LTF: variants seen among roughly 807,000 people sequenced by gnomAD.
LTF encodes epididymis luminal protein 110.
In LTF, 91 loss-of-function variants were observed where a neutral mutation model predicts 87.2. The ratio of observed to expected loss-of-function variants is 1.04; its 90% CI spans 0.88 to 1.24. LTF has a LOEUF of 1.24. LTF is among the 50% of genes most tolerant of loss of function. The pLI, the probability that LTF is intolerant of heterozygous loss-of-function variation, is 0.00. For missense variants in LTF, 901 were observed against 904.3 expected (o/e 1.00, Z 0.05); for synonymous variants, 378 against 356.1 (o/e 1.06, Z -0.69).
At chr3:46,475,071 A>C (rs1413082309) in intron 1 of LTF, among the ~76,000 whole-genome samples, 1 of 152,188 alleles carries the variant, frequency 6.6e-6, no homozygotes, top group Non-Finnish European at 1.5e-5. Flanking sequence ...AAATAAACCT[A>C]AAGCAAGCAA....
intron 1 of LTF, among the ~76,000 whole-genome samples, chr3:46,461,204 G>A (rs578251127): frequency 3.9e-5 from 6 of 152,346 alleles, no homozygotes; most frequent in South Asian, 4.1e-4. Flanking sequence ...ACATTGCTGA[G>A]AATGTAAAAT....
rs771294085 is a variant in LTF, at chr3:46,459,815, C to G, written c.48G>C (p.Leu16=). The G allele has an allele frequency of 1.9e-5, 29 of 1,549,348 alleles. No homozygotes were observed. In the Admixed American group the frequency reaches 6.0e-4, roughly 32 times the overall value. ...CACTCCTCCTACGGCCAGCCAGACA[C>G]AGTCCTGGGAGAGAGGGGCCAAGGA... ...LVLLFLGALG[L]CLAGRRRSVQ... The change falls in exon 2 of 17, where the codon CTG becomes CTC. Residue 16 remains leucine, a synonymous_variant. Coordinates refer to ENST00000231751, the MANE Select transcript of LTF (RefSeq NM_002343.6).
chr3:46,468,710 A>C (rs1021667743), upstream of LTF, among the ~76,000 whole-genome samples: 1 of 152,238 alleles, frequency 6.6e-6, no homozygotes, highest in Non-Finnish European at 1.5e-5. Context: ...GGCCTTCCTG[A>C]GACATCAACT....
At chr3:46,475,441 G>T (rs1703347779) in intron 1 of LTF, among the ~76,000 whole-genome samples, 2 of 151,564 alleles carry the variant, frequency 1.3e-5, no homozygotes, top group African/African-American at 4.9e-5. Flanking sequence ...AGAGAAAAAG[G>T]AGAGGGTCAT....
At position 46,455,219 on chromosome 3, in the gene LTF, G is replaced by A. The variant is rs568794099; in HGVS notation, c.647+76C>T. Reference sequence around the variant, plus strand: ...CCAAGAGCAGGCTGGGCTCTATGTGGGGCCAGAGAAAAGGCCTCCCGGCCT... The same window carrying A: ...CCAAGAGCAGGCTGGGCTCTATGTGAGGCCAGAGAAAAGGCCTCCCGGCCT... On this transcript the variant is annotated intron_variant, in intron 5 of 16. Transcript: ENST00000231751. 3.0e-4 allele frequency: 467 copies of A among 1,575,134 alleles called. 6 individuals are homozygous for A. The South Asian group carries it at 4.7e-3, about 16-fold the overall frequency.
intron 15 of LTF, among the ~76,000 whole-genome samples, chr3:46,438,671 G>A (rs1702445139): frequency 6.6e-6 from 1 of 152,186 alleles, no homozygotes; most frequent in Non-Finnish European, 1.5e-5. Context: ...CAGCACCACT[G>A]TGTGTGCACA....
intron 1 of LTF, 113 bp from the exon 2 acceptor site, chr3:46,459,932 C>A: frequency 1.5e-6 from 1 of 678,256 alleles, no homozygotes; most frequent in Admixed American, 4.2e-5. Flanking sequence ...GCCCTCCTTC[C>A]CTCTCCATTT....
rs1402218693 is a variant in LTF, at chr3:46,437,979, C to A, written c.2059G>T (p.Val687Phe). 3 of 1,614,078 alleles carry A rather than the reference C, an allele frequency of 1.9e-6. No individual in the cohort carries two copies. The highest frequency in any genetic ancestry group is 4.5e-5 in the East Asian group (2 of 44,880). The change falls in exon 16 of 17, where the codon GTC becomes TTC. Residue 687 changes from valine (V) to phenylalanine (F), a missense_variant. Transcript: ENST00000231751. ...TTTTTCAGATTAGTAATGCCTGCGA[C>A]ATACTGTGGTCCCAAATATTTTTCA... Reference protein sequence around the residue: ...TYEKYLGPQYVAGITNLKKCS... With the variant: ...TYEKYLGPQYFAGITNLKKCS...
chr3:46,441,162 T>C (rs769789954), intron 14 of LTF, among the ~76,000 whole-genome samples: 7 of 137,810 alleles, frequency 5.1e-5, no homozygotes, highest in Non-Finnish European at 1.1e-4. Flanking sequence ...CTAGTATCTG[T>C]GTGTGTGAGA....
chr3:46,463,396 T>C, intron 1 of LTF: 1 of 920,444 alleles, frequency 1.1e-6, no homozygotes, highest in Non-Finnish European at 1.3e-6. Flanking sequence ...GCAGACAGAC[T>C]CCTCCACCCA....
upstream of LTF, among the ~76,000 whole-genome samples, chr3:46,469,117 T>C (rs938461629): frequency 1.3e-5 from 2 of 152,242 alleles, no homozygotes; most frequent in African/African-American, 4.8e-5. Context: ...GTGACTTTGT[T>C]TCACATGGCT....
chr3:46,485,094 A>T (rs1703500045), exon 1 of LTF: 1 of 152,596 alleles, frequency 6.6e-6, no homozygotes, highest in South Asian at 2.1e-4. Context: ...CTGGGAAGCC[A>T]ATAGCAGAAA....
intron 1 of LTF, among the ~76,000 whole-genome samples, chr3:46,461,311 G>A (rs769129242): frequency 6.6e-6 from 1 of 152,232 alleles, no homozygotes; most frequent in Non-Finnish European, 1.5e-5. Flanking sequence ...CATATAGCCA[G>A]AAGAAATATT....
intron 8 of LTF, 28 bp from the exon 9 acceptor site, chr3:46,449,045 G>A (rs1363789502): frequency 3.2e-6 from 5 of 1,586,128 alleles, no homozygotes; most frequent in East Asian, 2.3e-5. Context: ...GCAGGTGGCT[G>A]GGCAACCTGA....
chr3:46,451,814 C>T (rs765322836), intron 6 of LTF, among the ~76,000 whole-genome samples: 10 of 152,088 alleles, frequency 6.6e-5, no homozygotes, highest in Non-Finnish European at 1.0e-4. Context: ...AGGCTGGTCT[C>T]GAACTCCTGA....
In LTF at chr3:46,454,380, CA is replaced by C. The variant is rs771810031; in HGVS notation, c.648-21del. On this transcript the variant is annotated intron_variant, in intron 5 of 16. Transcript: ENST00000231751. ...AGACACCTGTGAAAAGAGAAACCAT[CA>C]GGGGTAAGCACAGGCAGCCCTCCCC... The C allele has an allele frequency of 1.4e-5, 22 of 1,611,798 alleles. No individual in the cohort carries two copies. The highest frequency in any genetic ancestry group is 1.8e-5 in the Non-Finnish European group (21 of 1,177,992).
Position 46,445,462 on chromosome 3 carries a change from A to C in LTF, c.1358-26T>G, listed in dbSNP as rs753794380. On this transcript the variant is annotated intron_variant, in intron 11 of 16. Transcript: ENST00000231751. ...CTGGCATAACAGATGACAGAAAAAC[A>C]AGTCTTAACCTCCAGGAGGCCTGGC... 6.9e-6 allele frequency: 11 copies of C among 1,598,266 alleles called. No individual in the cohort carries two copies. The South Asian group carries it at 1.1e-4, about 16-fold the overall frequency.
chr3:46,437,476 A>T (rs1459570517), intron 16 of LTF, among the ~76,000 whole-genome samples: 1 of 151,990 alleles, frequency 6.6e-6, no homozygotes, highest in East Asian at 1.9e-4. Flanking sequence ...GCTTGACACC[A>T]CACCAGGCTA....
At chr3:46,456,463 C>T in intron 2 of LTF, 65 bp from the exon 3 acceptor site, 1 of 1,343,552 alleles carries the variant, frequency 7.4e-7, no homozygotes, top group Non-Finnish European at 1.1e-6. Context: ...AGTGGGACTT[C>T]AGGACCTCAA....
Sources: gnomAD v4.1 joint callset for allele counts (sites outside exome capture counted in the v4.1 genomes callset) on GRCh38, gnomAD v4.1.1 for gene constraint, MANE v1.5 for transcripts, NCBI Gene and HGNC (gene_info 2026-07-23, HGNC 2026-07-21) for gene names.